The following ARHGEF10 variants were observed in gnomAD, a reference collection of about 807,000 sequenced individuals.
The protein encoded by ARHGEF10 is Rho guanine nucleotide exchange factor (GEF) 10.
ARHGEF10 carries 140 observed loss-of-function variants against 147.4 expected under a neutral mutation model. The observed-to-expected ratio is 0.95, with a 90% CI of 0.83 to 1.09. ARHGEF10 has a LOEUF of 1.09. Among genes scored for constraint, ARHGEF10 ranks in the 50% least tolerant of loss-of-function variants. The probability of loss-of-function intolerance (pLI) is 0.00; values close to 1 mark genes in which losing one functional copy is unlikely to be tolerated. For missense variants in ARHGEF10, 2,222 were observed against 1,752.7 expected (o/e 1.27, Z -4.78); for synonymous variants, 902 against 695.8 (o/e 1.30, Z -4.67).
chr8:1,921,877 C>G (rs1254373279), intron 18 of ARHGEF10, among the ~76,000 whole-genome samples: 2 of 152,212 alleles, frequency 1.3e-5, no homozygotes, highest in Admixed American at 6.5e-5. Context: ...ACACAAGGCA[C>G]TTTACTCAAC....
At chr8:1,851,758 A>G (rs924234095) in intron 2 of ARHGEF10, among the ~76,000 whole-genome samples, 2 of 152,064 alleles carry the variant, frequency 1.3e-5, no homozygotes, top group Non-Finnish European at 2.9e-5. Flanking sequence ...ATTAAAAATA[A>G]TAAAACTTAG....
intron 1 of ARHGEF10, among the ~76,000 whole-genome samples, chr8:1,837,454 A>G (rs573413100): frequency 3.9e-5 from 6 of 152,362 alleles, no homozygotes; most frequent in South Asian, 2.1e-4. Flanking sequence ...TGAGAAATCA[A>G]TTTGACTCAT....
At chr8:1,867,197 G>A (rs1428003350) in intron 6 of ARHGEF10, among the ~76,000 whole-genome samples, 2 of 152,070 alleles carry the variant, frequency 1.3e-5, no homozygotes, top group African/African-American at 2.4e-5. Context: ...TTAAAAATAA[G>A]TTCTGTAGCG....
intron 1 of ARHGEF10, chr8:1,826,272 A>C (rs1802762261): frequency 1.2e-6 from 1 of 802,652 alleles, no homozygotes; most frequent in Non-Finnish European, 2.0e-6. Context: ...AGATGTAACC[A>C]CATTTGTCTT....
Position 1,877,279 on chromosome 8 carries a change from G to A in ARHGEF10, c.843+545G>A, listed in dbSNP as rs185637891. Among the ~76,000 whole-genome samples, 21 of 152,236 alleles carry A rather than the reference G, an allele frequency of 1.4e-4. 1 individual carries two copies. The East Asian group carries it at 3.7e-3, about 27-fold the overall frequency. On this transcript the variant is annotated intron_variant, in intron 8 of 28. Coordinates refer to ENST00000349830, the MANE Select transcript of ARHGEF10 (RefSeq NM_014629.4). ...GTCTCGTTCTGTCTCCCAGGCTGGA[G>A]TGCAATGGCGCAATCTCAGCTCACT...
At chr8:1,835,773 T>A (rs1372229527) in intron 1 of ARHGEF10, among the ~76,000 whole-genome samples, 1 of 152,176 alleles carries the variant, frequency 6.6e-6, no homozygotes, top group Admixed American at 6.5e-5. Flanking sequence ...CTGTGCTGTG[T>A]GTAAACACTT....
intron 27 of ARHGEF10, among the ~76,000 whole-genome samples, chr8:1,951,570 T>G (rs1815052288): frequency 1.3e-5 from 2 of 152,258 alleles, no homozygotes; most frequent in Non-Finnish European, 2.9e-5. Flanking sequence ...GGTGTGAGGT[T>G]GTTTTTCATG....
chr8:1,846,910 C>T (rs1350763383), intron 2 of ARHGEF10, among the ~76,000 whole-genome samples: 1 of 152,140 alleles, frequency 6.6e-6, no homozygotes, highest in African/African-American at 2.4e-5. Context: ...GGTTTTTATA[C>T]CGCGTTAACA....
At chr8:1,877,434 G>T (rs1354530163) in intron 8 of ARHGEF10, among the ~76,000 whole-genome samples, 1 of 152,182 alleles carries the variant, frequency 6.6e-6, no homozygotes, top group Non-Finnish European at 1.5e-5. Context: ...CCCTATGTTG[G>T]CCAGGCTAGT....
Position 1,892,969 on chromosome 8 carries a change from G to A in ARHGEF10, c.1183-600G>A, listed in dbSNP as rs1458382041. 2.6e-5 allele frequency among the ~76,000 whole-genome samples: 4 copies of A among 151,194 alleles called. No individual in the cohort carries two copies. The East Asian group carries it at 7.8e-4, about 30-fold the overall frequency. ...AAAGCAAGATGGAAAATAACGTCAGGTTTTGATTGCAAACATGTCAGATTG... is the reference window on the plus strand; with the variant it reads ...AAAGCAAGATGGAAAATAACGTCAGATTTTGATTGCAAACATGTCAGATTG... On this transcript the variant is annotated intron_variant, in intron 11 of 28. Coordinates refer to ENST00000349830, the MANE Select transcript of ARHGEF10 (RefSeq NM_014629.4).
rs1048647585 is a variant in ARHGEF10 at position 1,955,928 on chromosome 8, A to G, written c.3521-821A>G. ...CCAGCTCCTGCTCCCTGCAGACTTC[A>G]CTTTGCCACTCTCCTCTTTGGGAAA... is the stretch of plus-strand genomic sequence containing the variant. On this transcript the variant is annotated intron_variant, in intron 28 of 28. Coordinates refer to ENST00000349830, the MANE Select transcript of ARHGEF10 (RefSeq NM_014629.4). 2.6e-5 allele frequency among the ~76,000 whole-genome samples: 4 copies of G among 152,170 alleles called. No individual in the cohort carries two copies. In the South Asian group the frequency reaches 6.2e-4, roughly 24 times the overall value.
intron 18 of ARHGEF10, among the ~76,000 whole-genome samples, chr8:1,919,191 G>C (rs1222770512): frequency 1.4e-5 from 2 of 147,738 alleles, no homozygotes; most frequent in Admixed American, 6.7e-5. Context: ...GGGTGATGGA[G>C]CTGTTCCGTG....
In ARHGEF10 at chr8:1,858,143, A is replaced by AGTCCCCAGGAGGGTCCCCAGGTGG. The variant is rs1554478157; in HGVS notation, c.193+37_193+38insAGGGTCCCCAGGTGGGTCCCCAGG. 889 of 1,522,264 alleles carry AGTCCCCAGGAGGGTCCCCAGGTGG rather than the reference A, an allele frequency of 5.8e-4. 4 individuals carry two copies. The highest frequency in any genetic ancestry group is 7.0e-4 in the Non-Finnish European group (786 of 1,115,654). The allele number at this position is 1,522,264 out of a possible 1,614,324, so 94.3% of individuals were successfully genotyped here. On this transcript the variant is annotated intron_variant, in intron 3 of 28. Transcript: ENST00000349830. ...GAGTTTCCAGGAGGGTCCCCAGGTG[A>AGTCCCCAGGAGGGTCCCCAGGTGG]GTCCCCAGGTGGGTCCCCAGGTGAG... is the stretch of plus-strand genomic sequence containing the variant.
At position 1,937,332 on chromosome 8, in the gene ARHGEF10, A is replaced by G. The variant is rs1411071438; in HGVS notation, c.3222+3390A>G. 2.0e-5 allele frequency among the ~76,000 whole-genome samples: 3 copies of G among 152,142 alleles called. No homozygotes were observed. Among genetic ancestry groups the G allele is most frequent in the African/African-American group, 7.2e-5 (3 of 41,430 alleles). On this transcript the variant is annotated intron_variant, in intron 26 of 28. Transcript: ENST00000349830. The surrounding 1 kb of genome is among the most constrained non-coding windows in gnomAD (Gnocchi z 4.9). ...GAGTTTTTCACAGCCCTTGTACCCC[A>G]TCAGTACAGCCATCCTAGTAATTGC... is the stretch of plus-strand genomic sequence containing the variant.
At chr8:1,896,754 G>C (rs569240237) in intron 14 of ARHGEF10, among the ~76,000 whole-genome samples, 18 of 152,204 alleles carry the variant, frequency 1.2e-4, no homozygotes, top group Non-Finnish European at 2.6e-4. Context: ...CCTTCGGTAT[G>C]GTATTAGGAA....
chr8:1,950,308 C>A (rs1439971432), intron 27 of ARHGEF10, among the ~76,000 whole-genome samples: 1 of 152,294 alleles, frequency 6.6e-6, no homozygotes, highest in South Asian at 2.1e-4. Context: ...CGGCACTCAC[C>A]GCAGCCTCTG....
At position 1,909,390 on chromosome 8, in the gene ARHGEF10, G is replaced by C. The variant is rs143290224; in HGVS notation, c.2063G>C (p.Ser688Thr). The stretch of plus-strand genomic sequence containing the variant: ...GTGGACGCCATCGAGTATGGCAGCA[G>C]CGCAGGCACGGGCGAGCACAGCAGG... ...GHVDAIEYGS[S>T]AGTGEHSRHL... Residue 688 changes from serine to threonine, a missense_variant, in exon 18 of 29, where the codon AGC becomes ACC. By Grantham distance (58) the Ser-to-Thr change is moderately conservative. Transcript: ENST00000349830. 6.2e-7 allele frequency: 1 copy of C among 1,614,044 alleles called. No homozygotes were observed. The highest frequency in any genetic ancestry group is 8.5e-7 in the Non-Finnish European group (1 of 1,180,054).
At chr8:1,857,311 C>G (rs945215288) in intron 2 of ARHGEF10, among the ~76,000 whole-genome samples, 4 of 152,272 alleles carry the variant, frequency 2.6e-5, no homozygotes, top group South Asian at 2.1e-4. Context: ...GTGGATGATA[C>G]TGAATTCTCT....
chr8:1,903,543 C>G lies in ARHGEF10; in HGVS notation c.1821+92C>G, dbSNP rs375394241. Reference sequence around the variant, plus strand: ...GTCCAGCAATACTAATCTTTTGGATCGTTTGGAGTAATTCCCTTCGCCCAG... The same window carrying G: ...GTCCAGCAATACTAATCTTTTGGATGGTTTGGAGTAATTCCCTTCGCCCAG... On this transcript the variant is annotated intron_variant, in intron 16 of 28. Transcript: ENST00000349830. 13 of 1,517,064 alleles carry G rather than the reference C, an allele frequency of 8.6e-6. No individual in the cohort carries two copies. The East Asian group carries it at 3.1e-4, about 36-fold the overall frequency. 94.0% of individuals were successfully genotyped at this position (1,517,064 alleles called of 1,614,324 possible). A position where few individuals can be genotyped will look rare whatever the true frequency, so the allele number is the denominator to read the frequency against.
Sources: allele counts gnomAD v4.1 joint callset (sites outside exome capture counted in the v4.1 genomes callset), GRCh38; gene constraint gnomAD v4.1.1; non-coding constraint Gnocchi (gnomAD v3.1); transcripts MANE v1.5; gene names NCBI Gene and HGNC (gene_info 2026-07-23, HGNC 2026-07-21).